PPP2R2B: variants seen among roughly 807,000 people sequenced by gnomAD.
PPP2R2B encodes the protein serine/threonine-protein phosphatase 2A 55 kDa regulatory subunit B beta isoform.
Under a neutral mutation model 46.0 loss-of-function variants are expected in PPP2R2B, and 5 were observed. The observed-to-expected ratio is 0.11, with a 90% CI of 0.06 to 0.23. The LOEUF (loss-of-function observed/expected upper bound fraction) is 0.23, where lower values mean the gene tolerates loss of function less well. Ranked by LOEUF, PPP2R2B falls within the 10% of genes least tolerant of loss-of-function variation. PPP2R2B has a pLI of 1.00. For missense variants in PPP2R2B, 367 were observed against 575.0 expected, an observed-to-expected ratio of 0.64 and a Z score of 3.70; for synonymous variants, 215 against 206.7, an observed-to-expected ratio of 1.04 and a Z score of -0.34.
At chr5:146,949,828 A>G (rs751160850) in intron 1 of PPP2R2B, among the ~76,000 whole-genome samples, 1 of 152,110 alleles carries the variant, frequency 6.6e-6, no homozygotes, top group Non-Finnish European at 1.5e-5. Context: ...CTATTCAGCC[A>G]TAAAAAAGAA....
At chr5:146,608,637 A>C (rs1389348290) in intron 7 of PPP2R2B, among the ~76,000 whole-genome samples, 1 of 152,128 alleles carries the variant, frequency 6.6e-6, no homozygotes, top group African/African-American at 2.4e-5. Flanking sequence ...TCTACTAAAA[A>C]TACAAAAATT....
chr5:146,772,243 G>A (rs567127039), intron 2 of PPP2R2B, among the ~76,000 whole-genome samples: 1 of 152,078 alleles, frequency 6.6e-6, no homozygotes, highest in South Asian at 2.1e-4. Context: ...ATTTATAGAT[G>A]ATTTATATGT....
chr5:147,040,806 CT>C (rs1756256768), intron 1 of PPP2R2B: 2 of 422,640 alleles, frequency 4.7e-6, no homozygotes, highest in Admixed American at 2.8e-5. Context: ...GATGAGTTTC[CT>C]TAAAAAAAAA....
At chr5:146,901,615 T>TC (rs1429840821) in intron 1 of PPP2R2B, among the ~76,000 whole-genome samples, 1 of 152,048 alleles carries the variant, frequency 6.6e-6, no homozygotes, top group African/African-American at 2.4e-5. Context: ...ATACCTGAGG[T>TC]CCTAGATGCT....
intron 2 of PPP2R2B, among the ~76,000 whole-genome samples, chr5:146,782,642 G>T (rs1485762458): frequency 1.3e-5 from 2 of 152,042 alleles, no homozygotes; most frequent in African/African-American, 2.4e-5. Context: ...TAATACCTCA[G>T]TACTCAATAG....
intron 2 of PPP2R2B, among the ~76,000 whole-genome samples, chr5:146,807,831 C>CTTTT (rs1554139359): frequency 2.0e-4 from 15 of 73,944 alleles, no homozygotes; most frequent in Admixed American, 4.4e-4. Flanking sequence ...GACAGTTTTG[C>CTTTT]TCTTGTTGCC....
chr5:146,933,885 T>C (rs1395228068), intron 1 of PPP2R2B, among the ~76,000 whole-genome samples: 1 of 138,366 alleles, frequency 7.2e-6, no homozygotes, highest in Non-Finnish European at 1.5e-5. Flanking sequence ...CCTGTGTCCA[T>C]GTGGTCTCAT....
chr5:146,820,802 C>T lies in PPP2R2B; in HGVS notation c.70+57200G>A, dbSNP rs117829374. 9.9e-4 allele frequency among the ~76,000 whole-genome samples: 151 copies of T among 152,284 alleles called. No individual in the cohort carries two copies. The East Asian group carries it at 0.016, about 17-fold the overall frequency. ...ACTTTCTTCATTTAAGTTCCTAGGA[C>T]TCCATCCGTCAAATTGCCAACCTAG... On this transcript the variant is annotated intron_variant, in intron 2 of 9. Coordinates refer to ENST00000394411, the MANE Select transcript of PPP2R2B (RefSeq NM_181675.4).
chr5:146,667,330 GCGCACACA>G (rs1214466835), intron 5 of PPP2R2B, among the ~76,000 whole-genome samples: 3 of 11,322 alleles, frequency 2.6e-4, no homozygotes, highest in Non-Finnish European at 4.9e-4. Flanking sequence ...AGGCGTGCGC[GCGCACACA>G]CACACACACA....
intron 8 of PPP2R2B, among the ~76,000 whole-genome samples, chr5:146,595,486 T>A (rs1454305472): frequency 6.6e-6 from 1 of 152,222 alleles, no homozygotes; most frequent in Non-Finnish European, 1.5e-5. Flanking sequence ...TTAGCAGGAA[T>A]GACATTGCTG....
At chr5:146,777,844 G>C (rs956920203) in intron 2 of PPP2R2B, among the ~76,000 whole-genome samples, 1 of 152,146 alleles carries the variant, frequency 6.6e-6, no homozygotes, top group African/African-American at 2.4e-5. Context: ...GTTTGTATCA[G>C]TTCTACCTAA....
At chr5:147,043,601 G>A (rs1756413661) in intron 1 of PPP2R2B, among the ~76,000 whole-genome samples, 1 of 152,112 alleles carries the variant, frequency 6.6e-6, no homozygotes. Flanking sequence ...TAATACAGGA[G>A]GGTAGGACCA....
chr5:146,894,929 T>C (rs1762600555), intron 1 of PPP2R2B, among the ~76,000 whole-genome samples: 1 of 152,202 alleles, frequency 6.6e-6, no homozygotes, highest in Non-Finnish European at 1.5e-5. Context: ...TTAATCATGA[T>C]CTTATCTGTA....
intron 1 of PPP2R2B, among the ~76,000 whole-genome samples, chr5:146,889,190 C>T (rs2151427404): frequency 6.6e-6 from 1 of 152,304 alleles, no homozygotes; most frequent in East Asian, 1.9e-4. Flanking sequence ...ACCTAGGATG[C>T]TTATGTAGTA....
intron 2 of PPP2R2B, among the ~76,000 whole-genome samples, chr5:146,767,233 C>G (rs1378664144): frequency 6.6e-6 from 1 of 151,806 alleles, no homozygotes; most frequent in Admixed American, 6.6e-5. Context: ...AATTTGAACC[C>G]CGAGGCCCAC....
intron 2 of PPP2R2B, among the ~76,000 whole-genome samples, chr5:146,852,303 G>A: frequency 6.6e-6 from 1 of 152,076 alleles, no homozygotes; most frequent in East Asian, 1.9e-4. Flanking sequence ...GATTGACAAA[G>A]CCCTCTGTTT....
chr5:146,751,556 C>T (rs1753558444), intron 2 of PPP2R2B: 1 of 152,186 alleles, frequency 6.6e-6, no homozygotes, highest in African/African-American at 2.4e-5. Context: ...ATTTATTCTT[C>T]TGTTTATTCA....
At chr5:146,590,567 A>G (rs1261579532) in intron 9 of PPP2R2B, among the ~76,000 whole-genome samples, 1 of 151,846 alleles carries the variant, frequency 6.6e-6, no homozygotes, top group East Asian at 1.9e-4. Flanking sequence ...AGTCCTACCT[A>G]CCTCCCATCA....
chr5:147,042,166 C>T (rs1336680743), intron 1 of PPP2R2B, among the ~76,000 whole-genome samples: 1 of 152,088 alleles, frequency 6.6e-6, no homozygotes, highest in African/African-American at 2.4e-5. Flanking sequence ...TTTCCTGTAA[C>T]CATTTATCCT....
Sources: allele counts gnomAD v4.1 joint callset (sites outside exome capture counted in the v4.1 genomes callset), GRCh38; gene constraint gnomAD v4.1.1; transcripts MANE v1.5; gene names NCBI Gene and HGNC (gene_info 2026-07-23, HGNC 2026-07-21).